ADGRV1: variants seen among roughly 807,000 people sequenced by gnomAD.
The protein encoded by ADGRV1 is adhesion G protein-coupled receptor V1, also known as G-protein coupled receptor 98.
A neutral mutation model predicts 596.2 loss-of-function variants in ADGRV1; 359 were observed. That is an observed-to-expected ratio of 0.60 (90% CI 0.55 to 0.66). The LOEUF (loss-of-function observed/expected upper bound fraction) is 0.66. Among genes scored for constraint, ADGRV1 ranks in the 30% least tolerant of loss-of-function variants. ADGRV1 has a pLI of 0.00. For synonymous variants in ADGRV1, 2,681 were observed against 2,679.2 expected (o/e 1.00, Z -0.02); for missense variants, 7,274 against 7,575.6 (o/e 0.96, Z 1.48).
At chr5:90,989,161 T>C (rs370016176) in intron 85 of ADGRV1, among the ~76,000 whole-genome samples, 6 of 152,178 alleles carry the variant, frequency 3.9e-5, no homozygotes, top group East Asian at 1.9e-4. Context: ...TACCCAGTAA[T>C]GGGATCGCTG....
At chr5:91,022,819 T>G (rs1352683444) in intron 85 of ADGRV1, among the ~76,000 whole-genome samples, 3 of 152,146 alleles carry the variant, frequency 2.0e-5, no homozygotes, top group Admixed American at 2.0e-4. Flanking sequence ...TAATTTAGTT[T>G]CCCTTAATGT....
intron 85 of ADGRV1, among the ~76,000 whole-genome samples, chr5:90,989,285 C>T (rs769694893): frequency 6.6e-6 from 1 of 152,194 alleles, no homozygotes; most frequent in African/African-American, 2.4e-5. Context: ...TATTTCTTCA[C>T]ACTATTTCAT....
intron 85 of ADGRV1, among the ~76,000 whole-genome samples, chr5:90,991,813 A>G (rs1780990847): frequency 6.6e-6 from 1 of 152,224 alleles, no homozygotes. Context: ...ATTGTACTCT[A>G]TGGGAAATAT....
At chr5:90,762,421 T>C (rs1756608650) in intron 58 of ADGRV1, among the ~76,000 whole-genome samples, 1 of 152,196 alleles carries the variant, frequency 6.6e-6, no homozygotes, top group South Asian at 2.1e-4. Flanking sequence ...GCTGTTGACA[T>C]CAATGCAAAT....
intron 59 of ADGRV1, among the ~76,000 whole-genome samples, chr5:90,768,098 A>G (rs188733684): frequency 6.6e-6 from 1 of 152,354 alleles, no homozygotes; most frequent in East Asian, 1.9e-4. Flanking sequence ...TACACTTCCC[A>G]GGTGATTAAA....
chr5:90,909,043 A>G (rs1445799000), intron 83 of ADGRV1, among the ~76,000 whole-genome samples: 1 of 152,130 alleles, frequency 6.6e-6, no homozygotes, highest in Non-Finnish European at 1.5e-5. Context: ...AGAGAGTAAG[A>G]AATCTTTCCT....
chr5:90,641,803 T>C (rs888858311), intron 11 of ADGRV1, among the ~76,000 whole-genome samples: 1 of 152,224 alleles, frequency 6.6e-6, no homozygotes, highest in Admixed American at 6.5e-5. Context: ...GCTTGCAGGA[T>C]TGATAATTCT....
chr5:90,613,469 C>G (rs1315432733), intron 1 of ADGRV1, among the ~76,000 whole-genome samples: 15 of 152,064 alleles, frequency 9.9e-5, no homozygotes, highest in Non-Finnish European at 1.2e-4. Flanking sequence ...TTTTCATTTC[C>G]TTTCTTTCCA....
intron 83 of ADGRV1, among the ~76,000 whole-genome samples, chr5:90,887,600 T>A (rs973982996): frequency 1.3e-5 from 2 of 152,220 alleles, no homozygotes; most frequent in African/African-American, 4.8e-5. Flanking sequence ...TATTAAAGTT[T>A]TATTTGTTTG....
intron 85 of ADGRV1, among the ~76,000 whole-genome samples, chr5:91,019,120 T>G (rs574326570): frequency 1.3e-5 from 2 of 152,100 alleles, no homozygotes; most frequent in African/African-American, 4.8e-5. Context: ...GAACTTATCA[T>G]TGTGGCTAGG....
chr5:90,711,111 A>C, intron 40 of ADGRV1, 52 bp downstream of exon 40: 1 of 1,573,752 alleles, frequency 6.4e-7, no homozygotes, highest in Admixed American at 1.8e-5. Flanking sequence ...ATTATTTACT[A>C]TCTACCAAAT....
At chr5:90,828,551 A>T (rs1290801130) in intron 76 of ADGRV1, among the ~76,000 whole-genome samples, 1 of 152,136 alleles carries the variant, frequency 6.6e-6, no homozygotes, top group African/African-American at 2.4e-5. Context: ...ATACAGCTTG[A>T]TATTTTCACT....
At chr5:90,954,933 C>G (rs1284761337) in intron 83 of ADGRV1, among the ~76,000 whole-genome samples, 1 of 151,880 alleles carries the variant, frequency 6.6e-6, no homozygotes, top group Non-Finnish European at 1.5e-5. Flanking sequence ...TAGCAGTTGC[C>G]TAACAGAGTG....
At chr5:90,915,903 A>G (rs1350112677) in intron 83 of ADGRV1, among the ~76,000 whole-genome samples, 5 of 152,218 alleles carry the variant, frequency 3.3e-5, no homozygotes, top group African/African-American at 9.6e-5. Flanking sequence ...CATACCTAAC[A>G]TAATTTATTT....
At chr5:90,668,535 G>A (rs940937192) in intron 21 of ADGRV1, among the ~76,000 whole-genome samples, 1 of 151,986 alleles carries the variant, frequency 6.6e-6, no homozygotes, top group Non-Finnish European at 1.5e-5. Flanking sequence ...AGATGAACCT[G>A]GTACCTCTGA....
chr5:90,944,975 A>G (rs1776450618), intron 83 of ADGRV1, among the ~76,000 whole-genome samples: 1 of 152,342 alleles, frequency 6.6e-6, no homozygotes, highest in South Asian at 2.1e-4. Context: ...CACTTAAAAG[A>G]TGACTCTGTG....
At chr5:90,572,051 A>G (rs1207424263) in intron 1 of ADGRV1, among the ~76,000 whole-genome samples, 1 of 152,156 alleles carries the variant, frequency 6.6e-6, no homozygotes, top group African/African-American at 2.4e-5. Context: ...GGATTTTCAG[A>G]GCAAACATTA....
intron 83 of ADGRV1, among the ~76,000 whole-genome samples, chr5:90,948,640 T>C (rs1039287026): frequency 6.6e-6 from 1 of 152,132 alleles, no homozygotes; most frequent in African/African-American, 2.4e-5. Flanking sequence ...AAGTTTAAAA[T>C]GCATTAAATA....
At chr5:90,566,847 A>C (rs866538252) in intron 1 of ADGRV1, among the ~76,000 whole-genome samples, 2 of 152,088 alleles carry the variant, frequency 1.3e-5, no homozygotes, top group Admixed American at 6.5e-5. Flanking sequence ...CTTCCAGTAA[A>C]GTGCTGAATA....
Sources: gnomAD v4.1 joint callset for allele counts (sites outside exome capture counted in the v4.1 genomes callset) on GRCh38, gnomAD v4.1.1 for gene constraint, MANE v1.5 for transcripts, NCBI Gene and HGNC (gene_info 2026-07-23, HGNC 2026-07-21) for gene names.